NPHP4: variants seen among roughly 807,000 people sequenced by gnomAD.
The protein encoded by NPHP4 is nephrocystin-4.
In NPHP4, 151 loss-of-function variants were observed where a neutral mutation model predicts 155.8. The observed-to-expected ratio is 0.97, with a 90% CI of 0.85 to 1.11. The LOEUF (loss-of-function observed/expected upper bound fraction) is 1.11. Ranked by LOEUF, NPHP4 falls within the 50% of genes least tolerant of loss-of-function variation. The probability of loss-of-function intolerance (pLI) is 0.00; values close to 1 mark genes in which losing one functional copy is unlikely to be tolerated. For missense variants in NPHP4, 1,956 were observed against 1,925.7 expected (o/e 1.02, Z -0.29); for synonymous variants, 845 against 816.8 (o/e 1.03, Z -0.59).
In NPHP4 at chr1:5,944,891, A is replaced by C. The variant is rs1647009414; in HGVS notation, c.1119+2213T>G. On this transcript the variant is annotated intron_variant, in intron 9 of 29. Transcript: ENST00000378156. The surrounding 1 kb of genome is among the most constrained non-coding windows in gnomAD (Gnocchi z 4.3). ...AGACTGAGGCAGGAGAGTCACTTGA[A>C]CCCAGGAGGCGGAGGTTGCAGTGAG... Among the ~76,000 whole-genome samples the C allele has an allele frequency of 6.6e-6, 1 of 152,106 alleles. No homozygotes were observed. The highest frequency in any genetic ancestry group is 1.5e-5 in the Non-Finnish European group (1 of 67,998).
At position 5,863,863 on chromosome 1, in the gene NPHP4, G is replaced by A. The variant is rs751055228; in HGVS notation, c.4140+27C>T. ...ATTCAGGTCCCCGGGTCTTCCCCTA[G>A]GAGTCCCAGGCACAGCCCCACCACA... On this transcript the variant is annotated intron_variant, in intron 29 of 29. Coordinates refer to ENST00000378156, the MANE Select transcript of NPHP4 (RefSeq NM_015102.5). 3.7e-6 allele frequency: 6 copies of A among 1,612,954 alleles called. No homozygotes were observed. The East Asian group carries it at 1.3e-4, about 36-fold the overall frequency.
Position 5,875,056 on chromosome 1 carries a change from G to A in NPHP4, c.2862C>T (p.Val954=), listed in dbSNP as rs745353100. ...TCGTGCGTTCCCGGTAGGCGGCGAT[G>A]ACCTGTAGGTCCCGCAAGTGCTGTG... ...VRTQHLRDLQ[V]IAAYRERTKA... is the part of the protein sequence containing the mutation. The change falls in exon 21 of 30, where the codon GTC becomes GTT. Residue 954 remains valine (V), a synonymous_variant. Transcript: ENST00000378156. The A allele has an allele frequency of 6.8e-6, 11 of 1,607,902 alleles. No homozygotes were observed. The highest frequency in any genetic ancestry group is 2.2e-5 in the South Asian group (2 of 91,030).
chr1:5,967,619 C>T (rs894152517), intron 4 of NPHP4, among the ~76,000 whole-genome samples: 1 of 152,182 alleles, frequency 6.6e-6, no homozygotes, highest in African/African-American at 2.4e-5. Context: ...TGGAAAACAC[C>T]ATGGAAATTT....
Position 5,925,225 on chromosome 1 carries a change from G to A in NPHP4, c.1441+2424C>T, listed in dbSNP as rs117857307. On this transcript the variant is annotated intron_variant, in intron 11 of 29. Transcript: ENST00000378156. Reference sequence around the variant, plus strand: ...GGATGGTTGTATCTGCACTGAACACGTACAGACTCTTTTTTTCTTGTCATT... The same window carrying A: ...GGATGGTTGTATCTGCACTGAACACATACAGACTCTTTTTTTCTTGTCATT... Among the ~76,000 whole-genome samples the A allele has an allele frequency of 2.2e-4, 34 of 152,266 alleles. 1 individual carries two copies. The East Asian group carries it at 6.0e-3, about 27-fold the overall frequency.
intron 27 of NPHP4, 113 bp downstream of exon 27, chr1:5,864,989 G>C (rs1320022359): frequency 9.6e-7 from 1 of 1,041,072 alleles, no homozygotes. Context: ...CGCGCTGGAG[G>C]CGCTGGAAAA....
At chr1:5,969,378 T>C in intron 3 of NPHP4, 119 bp from the exon 4 acceptor site, 1 of 559,470 alleles carries the variant, frequency 1.8e-6, no homozygotes. Flanking sequence ...CGGAACCCTC[T>C]ACCATGCCCT....
Position 5,882,214 on chromosome 1 carries a change from T to C in NPHP4, c.2486-1975A>G, listed in dbSNP as rs1007392044. ...GCGCGCTTACCCAGCCATCTCTCAG[T>C]GGCGCGCTTACCCAGCCATCTCTCA... On this transcript the variant is annotated intron_variant, in intron 18 of 29. Transcript: ENST00000378156. This position sits in a 1 kb window ranked among gnomAD's most constrained non-coding sequence, Gnocchi z 5.1. 6.8e-6 allele frequency: 1 copy of C among 147,854 alleles called. No homozygotes were observed. Among genetic ancestry groups the C allele is most frequent in the Non-Finnish European group, 1.5e-5 (1 of 66,826 alleles). The allele number at this position is 147,854 out of a possible 1,614,324, so 9.2% of individuals were successfully genotyped here. A position where few individuals can be genotyped will look rare whatever the true frequency, so the allele number is the denominator to read the frequency against.
At chr1:5,917,764 T>A (rs1247941624) in intron 11 of NPHP4, among the ~76,000 whole-genome samples, 2 of 152,124 alleles carry the variant, frequency 1.3e-5, no homozygotes, top group Non-Finnish European at 2.9e-5. Context: ...TGCACCTCTT[T>A]ACCTTCCAGG....
intron 1 of NPHP4, among the ~76,000 whole-genome samples, chr1:5,990,659 AG>A: frequency 6.6e-6 from 1 of 152,320 alleles, no homozygotes; most frequent in South Asian, 2.1e-4. Flanking sequence ...CTATTATAAT[AG>A]TATTATAGAT....
intron 27 of NPHP4, 182 bp from the exon 28 acceptor site, chr1:5,864,699 G>A: frequency 1.8e-6 from 1 of 562,268 alleles, no homozygotes; most frequent in East Asian, 2.9e-5. Flanking sequence ...GTCCACACCA[G>A]GCAAGTCCCT....
chr1:5,878,368 G>A (rs1246494961), intron 19 of NPHP4, among the ~76,000 whole-genome samples: 10 of 152,192 alleles, frequency 6.6e-5, no homozygotes, highest in Non-Finnish European at 1.2e-4. Context: ...ACAAGTCTCC[G>A]GCACAGGCCT....
intron 22 of NPHP4, 114 bp downstream of exon 22, chr1:5,874,357 A>G (rs1441436772): frequency 9.3e-6 from 10 of 1,072,550 alleles, no homozygotes; most frequent in Admixed American, 3.1e-5. Context: ...CGGCAGCCCC[A>G]AGGCTAGTCT....
chr1:5,964,920 T>C (rs1443968335), intron 5 of NPHP4, among the ~76,000 whole-genome samples: 2 of 63,510 alleles, frequency 3.1e-5, no homozygotes, highest in East Asian at 6.1e-4. Flanking sequence ...ATATATATTA[T>C]ATATATATAT....
intron 5 of NPHP4, among the ~76,000 whole-genome samples, chr1:5,966,719 C>T (rs1339918246): frequency 2.6e-5 from 4 of 152,158 alleles, no homozygotes; most frequent in Non-Finnish European, 5.9e-5. Context: ...CCTCTGTGCT[C>T]TGAGCCTCCC....
At chr1:5,868,181 C>A (rs1228159431) in intron 23 of NPHP4, 1 of 499,424 alleles carries the variant, frequency 2.0e-6, no homozygotes, top group East Asian at 4.0e-5. Context: ...TTCTTAAATG[C>A]CAGTGGAGAA....
At position 5,880,239 on chromosome 1, in the gene NPHP4, C is replaced by T. The variant is rs778107434; in HGVS notation, c.2486G>A (p.Gly829Asp). The T allele has an allele frequency of 1.2e-6, 2 of 1,613,392 alleles. No homozygotes were observed. The highest frequency in any genetic ancestry group is 1.7e-5 in the Admixed American group (1 of 59,974). ...TCTCACTTTCTGTTCACACGGGTGA[C>T]CTACATGAAAAACATCCCAACATAA... Reference protein sequence around the residue: ...GRLHLTLANVGHPCEQKVRGC... With the variant: ...GRLHLTLANVDHPCEQKVRGC... The change falls in exon 19 of 30, where the codon GGT (glycine) becomes GAT (aspartate). Residue 829 changes from glycine to aspartate, a missense_variant and splice_region_variant. Physicochemically the swap from Gly to Asp is moderately conservative, Grantham distance 94 (BLOSUM62 -1). Coordinates refer to ENST00000378156, the MANE Select transcript of NPHP4 (RefSeq NM_015102.5).
intron 29 of NPHP4, 108 bp from the exon 30 acceptor site, chr1:5,863,513 A>T: frequency 7.1e-7 from 1 of 1,412,560 alleles, no homozygotes; most frequent in South Asian, 1.3e-5. Context: ...CTGACAAGGC[A>T]GGGGAGCCCT....
rs1018939363 is a variant in NPHP4, at chr1:5,865,048, G to A, written c.3816+54C>T. The A allele has an allele frequency of 7.6e-6, 12 of 1,571,524 alleles. 1 individual carries two copies. The highest frequency in any genetic ancestry group is 2.2e-5 in the South Asian group (2 of 89,790). On this transcript the variant is annotated intron_variant, in intron 27 of 29. Coordinates refer to ENST00000378156, the MANE Select transcript of NPHP4 (RefSeq NM_015102.5). ...TGCTCCAGCTGAATGCCCACTGCCC[G>A]TCTCCAGGCTGGGGTTGGGGAGAGG...
chr1:5,952,216 G>C (rs780191432), intron 7 of NPHP4, among the ~76,000 whole-genome samples: 11 of 152,314 alleles, frequency 7.2e-5, no homozygotes, highest in Non-Finnish European at 1.5e-4. Context: ...TGAGATGACC[G>C]AGGCTTCCAG....
Sources: allele counts gnomAD v4.1 joint callset (sites outside exome capture counted in the v4.1 genomes callset), GRCh38; gene constraint gnomAD v4.1.1; non-coding constraint Gnocchi (gnomAD v3.1); transcripts MANE v1.5; gene names NCBI Gene and HGNC (gene_info 2026-07-23, HGNC 2026-07-21).